FRMD4B: variants seen among roughly 807,000 people sequenced by gnomAD.
FRMD4B encodes the protein FERM domain-containing protein 4B.
Under a neutral mutation model 141.5 loss-of-function variants are expected in FRMD4B, and 74 were observed. The observed-to-expected ratio is 0.52, with a 90% CI of 0.43 to 0.63. FRMD4B has a LOEUF of 0.63. Among genes scored for constraint, FRMD4B ranks in the 30% least tolerant of loss-of-function variants. The pLI, the probability that FRMD4B is intolerant of heterozygous loss-of-function variation, is 0.00. For missense variants in FRMD4B, 1,366 were observed against 1,253.4 expected (o/e 1.09, Z -1.36); for synonymous variants, 506 against 467.9 (o/e 1.08, Z -1.05).
At chr3:69,274,738 C>T (rs1239494333) in intron 5 of FRMD4B, among the ~76,000 whole-genome samples, 12 of 152,102 alleles carry the variant, frequency 7.9e-5, no homozygotes, top group African/African-American at 1.2e-4. Flanking sequence ...AGGCTGGTCT[C>T]GTACTCCTGG....
At chr3:69,247,205 A>G (rs1346756154) in intron 7 of FRMD4B, among the ~76,000 whole-genome samples, 1 of 152,138 alleles carries the variant, frequency 6.6e-6, no homozygotes, top group Non-Finnish European at 1.5e-5. Flanking sequence ...TTTGATTCTC[A>G]TGACAGTTTT....
At chr3:69,429,051 T>C (rs1157220913) in intron 2 of FRMD4B, among the ~76,000 whole-genome samples, 1 of 152,206 alleles carries the variant, frequency 6.6e-6, no homozygotes, top group Non-Finnish European at 1.5e-5. Flanking sequence ...TTTTGGCAGC[T>C]TTTTTCCCTC....
At chr3:69,480,628 C>T (rs1438639992) in intron 1 of FRMD4B, among the ~76,000 whole-genome samples, 2 of 152,198 alleles carry the variant, frequency 1.3e-5, no homozygotes, top group Non-Finnish European at 2.9e-5. Context: ...CTGGGAGGCG[C>T]CTCCCAGTTA....
chr3:69,512,035 G>A (rs2107102916), intron 1 of FRMD4B, among the ~76,000 whole-genome samples: 1 of 152,310 alleles, frequency 6.6e-6, no homozygotes, highest in African/African-American at 2.4e-5. Flanking sequence ...AAATTAGCAT[G>A]TCAAAGATCC....
chr3:69,382,130 C>A (rs1209833131), intron 1 of FRMD4B, among the ~76,000 whole-genome samples: 1 of 152,186 alleles, frequency 6.6e-6, no homozygotes, highest in Non-Finnish European at 1.5e-5. Flanking sequence ...AACTCCATCT[C>A]CCAGGTTTAA....
At chr3:69,503,397 A>C (rs932721262) in intron 1 of FRMD4B, among the ~76,000 whole-genome samples, 1 of 152,070 alleles carries the variant, frequency 6.6e-6, no homozygotes, top group Non-Finnish European at 1.5e-5. Flanking sequence ...GACATGGATG[A>C]AGCTGGAAAC....
At position 69,509,306 on chromosome 3, in the gene FRMD4B, G is replaced by T. The variant is rs78687822; in HGVS notation, c.-129+32900C>A. On this transcript the variant is annotated intron_variant, in intron 1 of 5. Coordinates refer to the FRMD4B transcript ENST00000459638. ...CGTCTTCACTTGAGGCCAGTTGAAC[G>T]GGCAAGTCTGTTGCCAAATTCCAAC... is the stretch of plus-strand genomic sequence containing the variant. Among the ~76,000 whole-genome samples the T allele has an allele frequency of 1.0e-3, 156 of 152,272 alleles. 1 individual carries two copies. The highest frequency in any genetic ancestry group is 2.3e-3 in the Admixed American group (35 of 15,300).
chr3:69,327,550 G>A (rs563242452), intron 1 of FRMD4B, among the ~76,000 whole-genome samples: 8 of 152,210 alleles, frequency 5.3e-5, no homozygotes, highest in South Asian at 2.1e-4. Flanking sequence ...TCAATTTTTC[G>A]TCAACCCTGT....
At chr3:69,198,622 A>G in intron 12 of FRMD4B, 76 bp downstream of exon 12, 1 of 746,198 alleles carries the variant, frequency 1.3e-6, no homozygotes. Flanking sequence ...TCATATAAAA[A>G]CTTGTACACA....
intron 1 of FRMD4B, among the ~76,000 whole-genome samples, chr3:69,466,434 A>G (rs966315147): frequency 2.0e-5 from 3 of 152,162 alleles, no homozygotes; most frequent in Non-Finnish European, 4.4e-5. Flanking sequence ...AAGGTATGAG[A>G]TTGTTTTTGT....
intron 5 of FRMD4B, among the ~76,000 whole-genome samples, chr3:69,269,083 C>A (rs2093582471): frequency 6.6e-6 from 1 of 151,538 alleles, no homozygotes; most frequent in Non-Finnish European, 1.5e-5. Context: ...CATGCACCAC[C>A]ACACCCGGCT....
intron 5 of FRMD4B, among the ~76,000 whole-genome samples, chr3:69,268,768 G>A (rs981601311): frequency 3.3e-5 from 5 of 151,800 alleles, no homozygotes; most frequent in African/African-American, 1.2e-4. Flanking sequence ...GAATAAATAT[G>A]CAGAGATACT....
At chr3:69,484,343 A>G (rs1706179325) in intron 1 of FRMD4B, among the ~76,000 whole-genome samples, 1 of 152,150 alleles carries the variant, frequency 6.6e-6, no homozygotes, top group African/African-American at 2.4e-5. Flanking sequence ...CTAGAATTCT[A>G]CCAGGTGCTA....
intron 1 of FRMD4B, among the ~76,000 whole-genome samples, chr3:69,510,542 A>G (rs1318403807): frequency 6.6e-6 from 1 of 152,170 alleles, no homozygotes; most frequent in Non-Finnish European, 1.5e-5. Context: ...TAACTTTCAA[A>G]TTCTCAGTTT....
At chr3:69,294,351 T>A (rs955123106) in intron 4 of FRMD4B, among the ~76,000 whole-genome samples, 1 of 152,210 alleles carries the variant, frequency 6.6e-6, no homozygotes, top group African/African-American at 2.4e-5. Context: ...CACTTTATAA[T>A]GCTGAAGGCT....
chr3:69,400,589 C>T (rs1450281322), intron 2 of FRMD4B, among the ~76,000 whole-genome samples: 1 of 152,118 alleles, frequency 6.6e-6, no homozygotes, highest in Non-Finnish European at 1.5e-5. Flanking sequence ...ATGGTTGAGA[C>T]CCAGGAAGGC....
intron 2 of FRMD4B, among the ~76,000 whole-genome samples, chr3:69,420,598 T>C (rs1287350573): frequency 6.6e-6 from 1 of 152,170 alleles, no homozygotes; most frequent in Non-Finnish European, 1.5e-5. Flanking sequence ...TGGGTCAAGA[T>C]GTTTGATCTG....
intron 1 of FRMD4B, among the ~76,000 whole-genome samples, chr3:69,455,392 A>G (rs967325377): frequency 7.2e-5 from 11 of 152,216 alleles, no homozygotes; most frequent in African/African-American, 2.4e-4. Flanking sequence ...ACTCACGGCA[A>G]AGGTCTGCAG....
At chr3:69,508,734 T>A (rs899722107) in intron 1 of FRMD4B, among the ~76,000 whole-genome samples, 11 of 152,220 alleles carry the variant, frequency 7.2e-5, no homozygotes, top group Non-Finnish European at 1.5e-4. Flanking sequence ...GGTTGCATTA[T>A]CTGGTCCTCG....
Sources: allele counts gnomAD v4.1 joint callset (sites outside exome capture counted in the v4.1 genomes callset), GRCh38; gene constraint gnomAD v4.1.1; transcripts MANE v1.5; gene names NCBI Gene and HGNC (gene_info 2026-07-23, HGNC 2026-07-21).